SBF1: variants seen among roughly 807,000 people sequenced by gnomAD.
SBF1 encodes the protein myotubularin-related protein 5.
SBF1 carries 65 observed loss-of-function variants against 215.8 expected under a neutral mutation model. The observed-to-expected ratio is 0.30, with a 90% confidence interval of 0.25 to 0.37. SBF1 has a LOEUF of 0.37. SBF1 is among the 10% of genes least tolerant of loss of function. The pLI, the probability that SBF1 is intolerant of heterozygous loss-of-function variation, is 1.00. For missense variants in SBF1, 2,634 were observed against 2,667.8 expected (o/e 0.99, Z 0.28); for synonymous variants, 1,410 against 1,122.8 (o/e 1.26, Z -5.11).
In SBF1 at chr22:50,461,334, G is replaced by GT. The variant is rs758715868; in HGVS notation, c.2840-49_2840-48insA. ...CAGAAGCAAGGAAGGTAAGGGGGGG[G>GT]GGGTCCCAGAATCTCAGGGTACCAC... On this transcript the variant is annotated intron_variant, in intron 22 of 40. Coordinates refer to ENST00000380817, the MANE Select transcript of SBF1 (RefSeq NM_002972.4). 2.5e-4 allele frequency: 398 copies of GT among 1,564,456 alleles called. 1 individual carries two copies. Among genetic ancestry groups the GT allele is most frequent in the Non-Finnish European group, 3.2e-4 (371 of 1,152,186 alleles).
At chr22:50,467,058 C>T (rs1404654690) in intron 5 of SBF1, 3 of 579,330 alleles carry the variant, frequency 5.2e-6, no homozygotes, top group African/African-American at 1.9e-5. Context: ...CACCCAGGCA[C>T]AGGGCAGGGA....
Position 50,457,131 on chromosome 22 carries a change from A to G in SBF1, c.3827-20T>C. The G allele has an allele frequency of 1.4e-6, 2 of 1,465,220 alleles. No homozygotes were observed. Among genetic ancestry groups the G allele is most frequent in the East Asian group, 2.9e-5 (1 of 34,596 alleles). The allele number at this position is 1,465,220 out of a possible 1,614,324, so 90.8% of individuals were successfully genotyped here. ...TGGGAACTGAGGGCACAGCAGAGAG[A>G]AGGCTCAGGCCTAGCCCCAGGCCTG... On this transcript the variant is annotated intron_variant, in intron 28 of 40. Coordinates refer to ENST00000380817, the MANE Select transcript of SBF1 (RefSeq NM_002972.4).
In SBF1 at chr22:50,446,799, A is replaced by C. The variant is rs2066836662; in HGVS notation, c.*343T>G. 5 of 613,782 alleles carry C rather than the reference A, an allele frequency of 8.1e-6. No individual in the cohort carries two copies. The highest frequency in any genetic ancestry group is 1.5e-5 in the Non-Finnish European group (5 of 324,172). The allele number at this position is 613,782 out of a possible 1,614,324, so 38.0% of individuals were successfully genotyped here. A position where few individuals can be genotyped will look rare whatever the true frequency, so the allele number is the denominator to read the frequency against. Reference sequence around the variant, plus strand: ...GCCGGGGAGTGGGGAAGGCAGGCACAGGAGCGTGGCGTTAGTTCTCTCTTT... The same window carrying C: ...GCCGGGGAGTGGGGAAGGCAGGCACCGGAGCGTGGCGTTAGTTCTCTCTTT... On this transcript the variant is annotated 3_prime_UTR_variant, in exon 41 of 41. Coordinates refer to ENST00000380817, the MANE Select transcript of SBF1 (RefSeq NM_002972.4).
Position 50,459,397 on chromosome 22 carries a change from G to A in SBF1, c.3689-5C>T. 6.2e-7 allele frequency: 1 copy of A among 1,612,146 alleles called. No individual in the cohort carries two copies. ...TCGAGTCCGCCTGGGACTGGCCTGG[G>A]GGAGGACACGGAGCTGAGGGAGGGG... is the stretch of plus-strand genomic sequence containing the variant. On this transcript the variant is annotated splice_region_variant and splice_polypyrimidine_tract_variant and intron_variant, in intron 27 of 40. Transcript: ENST00000380817.
chr22:50,466,325 GCT>G, intron 7 of SBF1, 23 bp downstream of exon 7: 2 of 1,600,526 alleles, frequency 1.2e-6, no homozygotes, highest in Non-Finnish European at 1.7e-6. Flanking sequence ...AGGAGAAGGG[GCT>G]GGGAGGGCCG....
chr22:50,461,332 G>A (rs781748565), intron 22 of SBF1, 46 bp from the exon 23 acceptor site: 31 of 1,565,572 alleles, frequency 2.0e-5, no homozygotes, highest in South Asian at 1.4e-4. Context: ...GGTAAGGGGG[G>A]GGGGGTCCCA....
intron 16 of SBF1, 118 bp downstream of exon 16, chr22:50,463,165 C>T (rs1569512872): frequency 1.5e-6 from 2 of 1,375,754 alleles, no homozygotes; most frequent in Non-Finnish European, 2.0e-6. Context: ...GGACCCCTGC[C>T]CACTGGCACA....
Position 50,462,270 on chromosome 22 carries a change from G to A in SBF1, c.2331C>T (p.Arg777=). The change falls in exon 19 of 41, where the codon CGC becomes CGT. Residue 777 remains arginine, a synonymous_variant. Coordinates refer to ENST00000380817, the MANE Select transcript of SBF1 (RefSeq NM_002972.4). ...LLLPLDSSKS[R]LLRERAGLGD... is the part of the protein sequence containing the mutation. ...CCAGCCCGGCACGCTCCCGAAGTAG[G>A]CGGCTCTTGCTGCTGTCCAGGGGCA... 1 of 1,612,060 alleles carries A rather than the reference G, an allele frequency of 6.2e-7. No individual in the cohort carries two copies.
chr22:50,463,135 C>A, intron 16 of SBF1, 148 bp downstream of exon 16: 1 of 1,195,888 alleles, frequency 8.4e-7, no homozygotes, highest in Non-Finnish European at 1.2e-6. Flanking sequence ...GTTCTCTCCA[C>A]CCTGTTCCCT....
rs1603433170 is a variant in SBF1, at chr22:50,463,016, C to G, written c.1900-78G>C. On this transcript the variant is annotated intron_variant, in intron 16 of 40. Coordinates refer to ENST00000380817, the MANE Select transcript of SBF1 (RefSeq NM_002972.4). ...ACCTCCCACCATGCCCCCACCACCC[C>G]ATAACCACCACAGACCAGCACCTGA... is the stretch of plus-strand genomic sequence containing the variant. 5 of 1,407,196 alleles carry G rather than the reference C, an allele frequency of 3.6e-6. No homozygotes were observed. In the East Asian group the frequency reaches 1.2e-4, roughly 35 times the overall value. 87.2% of individuals were successfully genotyped at this position (1,407,196 alleles called of 1,614,324 possible). A position where few individuals can be genotyped will look rare whatever the true frequency, so the allele number is the denominator to read the frequency against.
rs550996823 is a variant in SBF1, at chr22:50,462,202, C to T, written c.2396+3G>A. ...TGGGCCCAACCCCCAGTCCCTGCCT[C>T]ACCTGTTGGTGACCAGGCTGTTGCT... On this transcript the variant is annotated splice_donor_region_variant and intron_variant, in intron 19 of 40. Transcript: ENST00000380817. 4.4e-6 allele frequency: 7 copies of T among 1,606,950 alleles called. No individual in the cohort carries two copies. In the Admixed American group the frequency reaches 1.0e-4, roughly 23 times the overall value.
In SBF1 at chr22:50,462,088, T is replaced by C; in HGVS notation, c.2428A>G (p.Thr810Ala). The change falls in exon 20 of 41, where the codon ACG becomes GCG. Residue 810 changes from threonine to alanine, a missense_variant. Physicochemically the swap from Thr to Ala is moderately conservative, Grantham distance 58 (BLOSUM62 0). Transcript: ENST00000380817. ...TCTGCATCCTCGAAGCCGCTCTCCG[T>C]GTCATAGCTCTCGGCCACACTGCCA... The part of the protein sequence containing the change: ...MAGSVAESYD[T>A]ESGFEDAETC... 6 of 1,613,930 alleles carry C rather than the reference T, an allele frequency of 3.7e-6. No homozygotes were observed. The highest frequency in any genetic ancestry group is 5.1e-6 in the Non-Finnish European group (6 of 1,180,036).
At position 50,460,723 on chromosome 22, in the gene SBF1, A is replaced by G. The variant is rs200034278; in HGVS notation, c.2968-11T>C. 52 of 1,611,576 alleles carry G rather than the reference A, an allele frequency of 3.2e-5. No individual in the cohort carries two copies. The highest frequency in any genetic ancestry group is 4.2e-5 in the Non-Finnish European group (49 of 1,179,478). On this transcript the variant is annotated splice_polypyrimidine_tract_variant and intron_variant, in intron 23 of 40. Transcript: ENST00000380817. ...GGCCATTTTCAGCAGCTGTGTCAGT[A>G]AAAGCAGCCCTTAGGGGTGTGGGTG...
At chr22:50,467,020 C>A (rs893355417) in intron 5 of SBF1, 49 of 565,802 alleles carry the variant, frequency 8.7e-5, no homozygotes, top group Non-Finnish European at 1.3e-4. Flanking sequence ...GACAGACGGG[C>A]AGAAAGACAC....
chr22:50,474,878 G>T lies in SBF1; in HGVS notation c.-38C>A. 7.5e-7 allele frequency: 1 copy of T among 1,330,582 alleles called. No individual in the cohort carries two copies. Among genetic ancestry groups the T allele is most frequent in the South Asian group, 1.7e-5 (1 of 60,538 alleles). 82.4% of individuals were successfully genotyped at this position (1,330,582 alleles called of 1,614,324 possible). On this transcript the variant is annotated 5_prime_UTR_variant, in exon 1 of 41. Coordinates refer to ENST00000380817, the MANE Select transcript of SBF1 (RefSeq NM_002972.4). ...GGGGCGGCCCGAGGGGCGCGGGCGG[G>T]CTCCGCGGCTCGGGGACTCGAGGAC...
At chr22:50,464,056 A>G (rs1482854222) in intron 15 of SBF1, among the ~76,000 whole-genome samples, 2 of 152,242 alleles carry the variant, frequency 1.3e-5, no homozygotes, top group African/African-American at 2.4e-5. Flanking sequence ...GGGGAAGGAC[A>G]CAGACGAAAC....
At position 50,460,013 on chromosome 22, in the gene SBF1, G is replaced by A. The variant is rs1322290900; in HGVS notation, c.3430C>T (p.Arg1144Trp). The A allele has an allele frequency of 4.3e-6, 7 of 1,613,978 alleles. No individual in the cohort carries two copies. The highest frequency in any genetic ancestry group is 4.0e-5 in the African/African-American group (3 of 75,070). ...ATGCGGAAGGGCTCAGACTTGGCCCGGCTCAGGCTGCTGCTCAGGGTGCCC... is the reference window on the plus strand; with the variant it reads ...ATGCGGAAGGGCTCAGACTTGGCCCAGCTCAGGCTGCTGCTCAGGGTGCCC... ...GLGTLSSSLS[R>W]AKSEPFRISP... Residue 1144 changes from arginine (R) to tryptophan (W), a missense_variant, in exon 26 of 41, where the codon CGG (arginine) becomes TGG (tryptophan). Physicochemically the swap from Arg to Trp is moderately radical, Grantham distance 101. Coordinates refer to ENST00000380817, the MANE Select transcript of SBF1 (RefSeq NM_002972.4).
At chr22:50,472,716 A>C (rs1170703577) in intron 1 of SBF1, among the ~76,000 whole-genome samples, 1 of 152,076 alleles carries the variant, frequency 6.6e-6, no homozygotes, top group Non-Finnish European at 1.5e-5. Flanking sequence ...AGTGACCCCC[A>C]CGCCACACTC....
chr22:50,451,330 G>A (rs1247067387), intron 36 of SBF1, among the ~76,000 whole-genome samples: 1 of 152,146 alleles, frequency 6.6e-6, no homozygotes, highest in East Asian at 1.9e-4. Flanking sequence ...GGGCAACAGA[G>A]CAAGACCCTG....
Sources: gnomAD v4.1 joint callset for allele counts (sites outside exome capture counted in the v4.1 genomes callset) on GRCh38, gnomAD v4.1.1 for gene constraint, MANE v1.5 for transcripts, NCBI Gene and HGNC (gene_info 2026-07-23, HGNC 2026-07-21) for gene names.